Variants in KLF15 observed in about 807,000 individuals in gnomAD.
KLF15 encodes KLF transcription factor 15, also known as Krueppel-like factor 15.
Under a neutral mutation model 24.6 loss-of-function variants are expected in KLF15, and 4 were observed. That is an observed-to-expected ratio of 0.16 (90% CI 0.08 to 0.37). The LOEUF (loss-of-function observed/expected upper bound fraction) is 0.37. KLF15 is among the 10% of genes least tolerant of loss of function. The probability of loss-of-function intolerance (pLI) is 1.00; values close to 1 mark genes in which losing one functional copy is unlikely to be tolerated. For synonymous variants in KLF15, 246 were observed against 236.3 expected (o/e 1.04, Z -0.37); for missense variants, 496 against 560.6 (o/e 0.88, Z 1.16).
the KLF15 span, among the ~76,000 whole-genome samples, chr3:126,334,940 C>A: frequency 9.2e-6 from 1 of 108,636 alleles, no homozygotes; most frequent in African/African-American, 4.0e-5. Flanking sequence ...AATAGTTTAC[C>A]AACCAAAAAG....
At chr3:126,331,493 G>A in the KLF15 span, among the ~76,000 whole-genome samples, 5 of 152,190 alleles carry the variant, frequency 3.3e-5, no homozygotes, top group Non-Finnish European at 7.3e-5. Context: ...CTTCAACTGA[G>A]CCCTGCAACC....
intron 2 of KLF15, among the ~76,000 whole-genome samples, chr3:126,346,437 C>A (rs767712968): frequency 1.6e-4 from 24 of 152,198 alleles, no homozygotes; most frequent in Non-Finnish European, 3.4e-4. Flanking sequence ...ACAGTTCCCA[C>A]CCCACTGGGT....
At chr3:126,308,453 G>A in the KLF15 span, among the ~76,000 whole-genome samples, 2 of 151,304 alleles carry the variant, frequency 1.3e-5, no homozygotes, top group African/African-American at 4.9e-5. Flanking sequence ...GCCAGGGGAC[G>A]ACCACCTCAT....
the KLF15 span, among the ~76,000 whole-genome samples, chr3:126,337,577 T>TAA: frequency 0.48 from 72,558 of 150,194 alleles, 17,898 homozygotes; most frequent in South Asian, 0.57. Context: ...AAAGTATAAT[T>TAA]AAAAAAAAAG....
At chr3:126,320,960 TCCTCAGTC>T in the KLF15 span, among the ~76,000 whole-genome samples, 1 of 152,012 alleles carries the variant, frequency 6.6e-6, no homozygotes, top group South Asian at 2.1e-4. Context: ...TTCTATTTGA[TCCTCAGTC>T]CCGGAAAGGT....
the KLF15 span, among the ~76,000 whole-genome samples, chr3:126,301,610 C>CTTTTTTTTTTTTTTTTTTTTTTTTTTTT: frequency 7.6e-6 from 1 of 132,282 alleles, no homozygotes; most frequent in Non-Finnish European, 1.6e-5. Flanking sequence ...TTTTCTTTTT[C>CTTTTTTTTTTTTTTTTTTTTTTTTTTTT]TTTTTTTTTT....
the KLF15 span, among the ~76,000 whole-genome samples, chr3:126,293,520 C>T: frequency 2.0e-5 from 3 of 152,118 alleles, no homozygotes; most frequent in African/African-American, 7.2e-5. Context: ...TGTAAGCACA[C>T]ACCTGGTGGC....
At chr3:126,300,186 A>T in the KLF15 span, among the ~76,000 whole-genome samples, 2 of 152,108 alleles carry the variant, frequency 1.3e-5, no homozygotes, top group African/African-American at 4.8e-5. Flanking sequence ...AGGGGACATT[A>T]GAGCAGGGTG....
chr3:126,331,470 T>C, the KLF15 span, among the ~76,000 whole-genome samples: 8 of 152,356 alleles, frequency 5.3e-5, no homozygotes, highest in East Asian at 3.9e-4. Context: ...GAATGAACCC[T>C]GAGAAGATGC....
At chr3:126,309,169 C>A in the KLF15 span, among the ~76,000 whole-genome samples, 2 of 152,186 alleles carry the variant, frequency 1.3e-5, no homozygotes, top group African/African-American at 4.8e-5. Flanking sequence ...GAATCTAGAA[C>A]AAAACAATGC....
the KLF15 span, among the ~76,000 whole-genome samples, chr3:126,310,458 G>A: frequency 6.6e-6 from 1 of 152,170 alleles, no homozygotes; most frequent in Non-Finnish European, 1.5e-5. Flanking sequence ...CCCCTACAAA[G>A]AGCCCCTACT....
chr3:126,315,229 C>T, the KLF15 span, among the ~76,000 whole-genome samples: 1 of 152,184 alleles, frequency 6.6e-6, no homozygotes, highest in Non-Finnish European at 1.5e-5. Context: ...TACTCCAGTG[C>T]AACCTCATCT....
At chr3:126,318,965 C>A in the KLF15 span, among the ~76,000 whole-genome samples, 4 of 152,310 alleles carry the variant, frequency 2.6e-5, no homozygotes, top group African/African-American at 9.6e-5. Context: ...TTCATCCCTC[C>A]CTCTCCCATA....
chr3:126,313,846 C>T, the KLF15 span, among the ~76,000 whole-genome samples: 7 of 152,214 alleles, frequency 4.6e-5, no homozygotes, highest in East Asian at 1.9e-4. Flanking sequence ...CACTGGGGCA[C>T]GTTGTGTGGC....
At chr3:126,331,552 T>C in the KLF15 span, among the ~76,000 whole-genome samples, 7 of 152,174 alleles carry the variant, frequency 4.6e-5, no homozygotes, top group Non-Finnish European at 2.9e-5. Flanking sequence ...TTGCAAGTAA[T>C]ATGTTAAGGC....
chr3:126,321,148 CATG>C, the KLF15 span, among the ~76,000 whole-genome samples: 3 of 152,282 alleles, frequency 2.0e-5, no homozygotes, highest in Middle Eastern at 3.4e-3. Context: ...GTGTACTACA[CATG>C]TGATCTCCAG....
chr3:126,290,804 T>G, the KLF15 span: 2 of 152,236 alleles, frequency 1.3e-5, no homozygotes, highest in Admixed American at 1.3e-4. Context: ...TTTGGCCATT[T>G]TAAATTATAT....
chr3:126,333,652 T>C, the KLF15 span, among the ~76,000 whole-genome samples: 1 of 149,318 alleles, frequency 6.7e-6, no homozygotes, highest in Non-Finnish European at 1.5e-5. Context: ...TCAAGACCCA[T>C]CAGTGTGCTG....
chr3:126,351,912 G>A lies in KLF15; in HGVS notation c.1011C>T (p.His337=). The A allele has an allele frequency of 6.2e-7, 1 of 1,614,122 alleles. No homozygotes were observed. Among genetic ancestry groups the A allele is most frequent in the Non-Finnish European group, 8.5e-7 (1 of 1,179,992 alleles). ...TGTGCCGGCGCAGGTGGGCCTTGAG[G>A]TGGCTGCTTTTGGTGTACATCTTGC... ...GCSKMYTKSS[H]LKAHLRRHTG... Residue 337 remains histidine (H), a synonymous_variant, in exon 2 of 3, where the codon CAC becomes CAT. Coordinates refer to ENST00000296233, the MANE Select transcript of KLF15 (RefSeq NM_014079.4).
Sources: gnomAD v4.1 joint callset for allele counts (sites outside exome capture counted in the v4.1 genomes callset) on GRCh38, gnomAD v4.1.1 for gene constraint, MANE v1.5 for transcripts, NCBI Gene and HGNC (gene_info 2026-07-23, HGNC 2026-07-21) for gene names.